The following PLEKHG1 variants were observed in gnomAD, a reference collection of about 807,000 sequenced individuals.
PLEKHG1 encodes pleckstrin homology and RhoGEF domain containing G1, also known as pleckstrin homology domain-containing family G member 1.
PLEKHG1 carries 44 observed loss-of-function variants against 100.8 expected under a neutral mutation model. That is an observed-to-expected ratio of 0.44 (90% CI 0.34 to 0.56). The LOEUF (loss-of-function observed/expected upper bound fraction) is 0.56. PLEKHG1 is among the 20% of genes least tolerant of loss of function. The probability of loss-of-function intolerance (pLI) is 0.01; values close to 1 mark genes in which losing one functional copy is unlikely to be tolerated. For missense variants in PLEKHG1, 1,545 were observed against 1,720.9 expected, an observed-to-expected ratio of 0.90 and a Z score of 1.81; for synonymous variants, 640 against 662.5, an observed-to-expected ratio of 0.97 and a Z score of 0.52.
chr6:150,802,491 A>T (rs1786769649), intron 6 of PLEKHG1, among the ~76,000 whole-genome samples: 1 of 152,112 alleles, frequency 6.6e-6, no homozygotes, highest in Non-Finnish European at 1.5e-5. Context: ...ACAAGTCAAG[A>T]TCCTTACAAA....
chr6:150,832,177 A>G (rs140970295), exon 15 of PLEKHG1: 30 of 1,604,636 alleles, frequency 1.9e-5, no homozygotes, highest in African/African-American at 2.7e-5. Context: ...CCATCTTGGA[A>G]GAGAAGAAGC....
intron 3 of PLEKHG1, among the ~76,000 whole-genome samples, chr6:150,681,152 G>C (rs1172710728): frequency 6.6e-6 from 1 of 152,180 alleles, no homozygotes; most frequent in Non-Finnish European, 1.5e-5. Context: ...GGGAGTTAGC[G>C]AGTGGTCGGG....
intron 3 of PLEKHG1, among the ~76,000 whole-genome samples, chr6:150,665,545 G>A (rs1035747416): frequency 1.3e-5 from 2 of 152,078 alleles, no homozygotes; most frequent in South Asian, 2.1e-4. Flanking sequence ...CAGGAGAATC[G>A]CTTGAACCCA....
At chr6:150,684,151 T>A (rs1780031548) in intron 3 of PLEKHG1, among the ~76,000 whole-genome samples, 1 of 152,126 alleles carries the variant, frequency 6.6e-6, no homozygotes, top group South Asian at 2.1e-4. Flanking sequence ...TATCCTTAGA[T>A]CCAGGCTGAC....
intron 3 of PLEKHG1, among the ~76,000 whole-genome samples, chr6:150,677,572 C>T (rs1272334302): frequency 6.6e-6 from 1 of 152,074 alleles, no homozygotes. Context: ...GTTGGGGGCC[C>T]ACTTATGTTC....
At chr6:150,699,225 C>A (rs955910809) in intron 3 of PLEKHG1, among the ~76,000 whole-genome samples, 2 of 152,140 alleles carry the variant, frequency 1.3e-5, no homozygotes, top group African/African-American at 4.8e-5. Flanking sequence ...TTTGCAGTTT[C>A]TTATAGATTT....
chr6:150,625,513 A>T (rs1185604698), intron 1 of PLEKHG1, among the ~76,000 whole-genome samples: 2 of 151,920 alleles, frequency 1.3e-5, no homozygotes. Context: ...TTTTTAAGTG[A>T]CAGAGTTGCA....
At chr6:150,758,159 A>G (rs561221730) in intron 2 of PLEKHG1, among the ~76,000 whole-genome samples, 2 of 152,278 alleles carry the variant, frequency 1.3e-5, no homozygotes, top group African/African-American at 2.4e-5. Context: ...ATGTATCTTT[A>G]TAATAGAATG....
intron 3 of PLEKHG1, among the ~76,000 whole-genome samples, chr6:150,658,406 T>A (rs1779053191): frequency 6.6e-6 from 1 of 152,240 alleles, no homozygotes; most frequent in African/African-American, 2.4e-5. Context: ...GAGGCCTGGC[T>A]TCTTATAGTG....
intron 15 of PLEKHG1, among the ~76,000 whole-genome samples, chr6:150,837,002 A>T (rs1777258016): frequency 6.6e-6 from 1 of 151,922 alleles, no homozygotes; most frequent in African/African-American, 2.4e-5. Context: ...TCTCTACTAT[A>T]AATACAAAAA....
upstream of PLEKHG1, among the ~76,000 whole-genome samples, chr6:150,719,276 CAT>C (rs1350133540): frequency 1.4e-5 from 2 of 143,536 alleles, no homozygotes; most frequent in Non-Finnish European, 3.1e-5. Context: ...ACTTTAGAAA[CAT>C]GTTTCTTGGC....
Position 150,680,412 on chromosome 6 carries a change from G to C in PLEKHG1, c.-99+29626G>C, listed in dbSNP as rs368242701. Among the ~76,000 whole-genome samples, 155 of 152,274 alleles carry C rather than the reference G, an allele frequency of 1.0e-3. No individual in the cohort carries two copies. The South Asian group carries it at 0.012, about 12-fold the overall frequency. On this transcript the variant is annotated intron_variant, in intron 3 of 3. Coordinates refer to the PLEKHG1 transcript ENST00000367326. ...GGGTCCAGTTTGGGAGGGAAGTTGT[G>C]TTTCATTTTGGTTATATTACATTTC...
chr6:150,780,081 A>G (rs1210001406), intron 3 of PLEKHG1, among the ~76,000 whole-genome samples: 1 of 151,842 alleles, frequency 6.6e-6, no homozygotes, highest in Non-Finnish European at 1.5e-5. Context: ...TCCTCTACTA[A>G]TGGAAAACAC....
chr6:150,674,661 CTCTCTCTCTCTCTCTCTCTCT>C (rs1779688730), intron 3 of PLEKHG1, among the ~76,000 whole-genome samples: 2 of 141,606 alleles, frequency 1.4e-5, no homozygotes, highest in African/African-American at 5.3e-5. Context: ...CTCTCTCTCT[CTCTCTCTCTCTCTCTCTCTCT>C]CCCCCCTCTT....
Position 150,831,634 on chromosome 6 carries a change from C to G in PLEKHG1, c.2523C>G (p.Asp841Glu), listed in dbSNP as rs781387178. 1 of 1,613,812 alleles carries G rather than the reference C, an allele frequency of 6.2e-7. No homozygotes were observed. The highest frequency in any genetic ancestry group is 1.1e-5 in the South Asian group (1 of 91,082). Residue 841 changes from aspartate to glutamate, a missense_variant, in exon 15 of 16, where the codon GAC becomes GAG. Physicochemically the swap from Asp to Glu is conservative, Grantham distance 45. Transcript: ENST00000358517. The surrounding 1 kb of genome is among the most constrained non-coding windows in gnomAD (Gnocchi z 4.1). ...AAGAAGTAGATGAAATCTGGAATGACCTGGAAAATTACATCAAGAAAAATG... is the reference window on the plus strand; with the variant it reads ...AAGAAGTAGATGAAATCTGGAATGAGCTGGAAAATTACATCAAGAAAAATG...
chr6:150,619,471 G>A (rs1484409186), intron 1 of PLEKHG1, among the ~76,000 whole-genome samples: 1 of 152,184 alleles, frequency 6.6e-6, no homozygotes, highest in Non-Finnish European at 1.5e-5. Flanking sequence ...CTGCTGCCTT[G>A]GAGGGCAATA....
At chr6:150,823,728 A>T (rs1351674877) in intron 14 of PLEKHG1, 52 bp downstream of exon 15, 1 of 1,367,722 alleles carries the variant, frequency 7.3e-7, no homozygotes, top group Admixed American at 1.8e-5. Flanking sequence ...GGCACCTTTC[A>T]TAGGTGTCCC....
At chr6:150,692,748 G>T (rs1780389810) in intron 3 of PLEKHG1, among the ~76,000 whole-genome samples, 1 of 152,198 alleles carries the variant, frequency 6.6e-6, no homozygotes, top group Non-Finnish European at 1.5e-5. Context: ...CCAAGAGAAA[G>T]TAAGTACTTG....
Position 150,735,431 on chromosome 6 carries a change from G to T in PLEKHG1, c.411+1339G>T, listed in dbSNP as rs1782514180. 1.3e-5 allele frequency among the ~76,000 whole-genome samples: 2 copies of T among 152,184 alleles called. 1 individual carries two copies. Among genetic ancestry groups the T allele is most frequent in the South Asian group, 4.1e-4 (2 of 4,830 alleles). On this transcript the variant is annotated intron_variant, in intron 2 of 15. Coordinates refer to ENST00000358517, the Ensembl canonical transcript of PLEKHG1. Reference sequence around the variant, plus strand: ...GAGTACAGTAGAATATTGCCAATGAGCATGTTCTTCCCCCAAATACATTCT... The same window carrying T: ...GAGTACAGTAGAATATTGCCAATGATCATGTTCTTCCCCCAAATACATTCT...
Sources: gnomAD v4.1 joint callset for allele counts (sites outside exome capture counted in the v4.1 genomes callset) on GRCh38, gnomAD v4.1.1 for gene constraint, Gnocchi (gnomAD v3.1) non-coding constraint, MANE v1.5 for transcripts, NCBI Gene and HGNC (gene_info 2026-07-23, HGNC 2026-07-21) for gene names.